FAM13A: variants seen among roughly 807,000 people sequenced by gnomAD.
The protein encoded by FAM13A is protein FAM13A.
FAM13A carries 76 observed loss-of-function variants against 129.6 expected under a neutral mutation model. The observed-to-expected ratio is 0.59, with a 90% CI of 0.49 to 0.71. The LOEUF is 0.71. FAM13A is among the 30% of genes least tolerant of loss of function. The pLI is 0.00. For missense variants in FAM13A, 1,108 were observed against 1,249.3 expected (o/e 0.89, Z 1.70); for synonymous variants, 443 against 449.9 (o/e 0.98, Z 0.20).
At chr4:88,894,668 T>C (rs531751192) in intron 6 of FAM13A, among the ~76,000 whole-genome samples, 1 of 152,246 alleles carries the variant, frequency 6.6e-6, no homozygotes, top group South Asian at 2.1e-4. Flanking sequence ...ATTACAGGCA[T>C]GCGCCACCAT....
At chr4:88,847,899 G>A (rs958461203) in intron 7 of FAM13A, among the ~76,000 whole-genome samples, 6 of 151,758 alleles carry the variant, frequency 4.0e-5, no homozygotes, top group Non-Finnish European at 8.8e-5. Context: ...ATTGCAGTGA[G>A]CAGAGATCGA....
At chr4:88,824,795 C>A (rs539549633) in intron 7 of FAM13A, among the ~76,000 whole-genome samples, 1 of 152,066 alleles carries the variant, frequency 6.6e-6, no homozygotes, top group South Asian at 2.1e-4. Context: ...GCAACCTCCG[C>A]CTCCTGGGTT....
At chr4:89,052,726 T>C (rs1377977877) in intron 1 of FAM13A, among the ~76,000 whole-genome samples, 1 of 152,048 alleles carries the variant, frequency 6.6e-6, no homozygotes, top group Non-Finnish European at 1.5e-5. Flanking sequence ...CACCTAGAAC[T>C]CTCTCTCCCC....
At chr4:88,897,099 A>G (rs1050553439) in intron 6 of FAM13A, among the ~76,000 whole-genome samples, 9 of 152,228 alleles carry the variant, frequency 5.9e-5, no homozygotes, top group African/African-American at 2.2e-4. Context: ...TGTGAGGCTT[A>G]GAGCCATAGC....
At chr4:88,939,597 C>T (rs1754414989) in intron 4 of FAM13A, among the ~76,000 whole-genome samples, 1 of 152,140 alleles carries the variant, frequency 6.6e-6, no homozygotes, top group South Asian at 2.1e-4. Context: ...GGATACGCAC[C>T]CTAAGGTCTC....
In FAM13A at chr4:88,955,634, G is replaced by A. The variant is rs184110855; in HGVS notation, c.606-17393C>T. On this transcript the variant is annotated intron_variant, in intron 4 of 23. Coordinates refer to ENST00000264344, the MANE Select transcript of FAM13A (RefSeq NM_014883.4). Reference sequence around the variant, plus strand: ...GGAACTTCCTAGAGACTTATTGGATGGCTTTGACCAAAATGCTGATAGTGA... The same window carrying A: ...GGAACTTCCTAGAGACTTATTGGATAGCTTTGACCAAAATGCTGATAGTGA... Among the ~76,000 whole-genome samples, 418 of 152,282 alleles carry A rather than the reference G, an allele frequency of 2.7e-3. 6 individuals are homozygous for A. Among genetic ancestry groups the A allele is most frequent in the African/African-American group, 9.5e-3 (395 of 41,538 alleles).
intron 7 of FAM13A, among the ~76,000 whole-genome samples, chr4:88,806,604 T>G (rs1213458788): frequency 2.0e-5 from 3 of 152,280 alleles, no homozygotes; most frequent in African/African-American, 7.2e-5. Context: ...GGTTTCCAAT[T>G]TCAACACTGA....
intron 13 of FAM13A, among the ~76,000 whole-genome samples, chr4:88,765,751 G>A (rs768952092): frequency 6.6e-6 from 1 of 152,168 alleles, no homozygotes; most frequent in Non-Finnish European, 1.5e-5. Context: ...CTCCTTTGGT[G>A]CAGCTGTGGT....
At chr4:88,835,598 T>C (rs1316851672) in intron 7 of FAM13A, among the ~76,000 whole-genome samples, 1 of 152,114 alleles carries the variant, frequency 6.6e-6, no homozygotes, top group Non-Finnish European at 1.5e-5. Flanking sequence ...GTGGGAGCCC[T>C]GAGTTTGTTA....
At chr4:89,056,354 TTTTA>T (rs1772195334) in intron 1 of FAM13A, among the ~76,000 whole-genome samples, 1 of 152,282 alleles carries the variant, frequency 6.6e-6, no homozygotes, top group African/African-American at 2.4e-5. Context: ...TTCCCAAGGA[TTTTA>T]TTTCAGTGTT....
At chr4:88,928,443 GCTGT>G (rs1210309952) in intron 5 of FAM13A, among the ~76,000 whole-genome samples, 2 of 152,062 alleles carry the variant, frequency 1.3e-5, no homozygotes, top group Non-Finnish European at 2.9e-5. Flanking sequence ...CTACTGTATT[GCTGT>G]CTATTTCTTT....
intron 6 of FAM13A, among the ~76,000 whole-genome samples, chr4:88,887,208 C>T (rs921841306): frequency 1.3e-5 from 2 of 152,084 alleles, no homozygotes; most frequent in African/African-American, 4.8e-5. Flanking sequence ...GTAATAGGTG[C>T]ACCAAAATCT....
chr4:88,951,831 AT>A (rs138629027), intron 4 of FAM13A, among the ~76,000 whole-genome samples: 1,687 of 149,156 alleles, frequency 0.011, 41 homozygotes, highest in African/African-American at 0.039. Flanking sequence ...TTGTGAGGGT[AT>A]TTATCTCCAT....
intron 4 of FAM13A, among the ~76,000 whole-genome samples, chr4:88,976,061 A>AT (rs1433387521): frequency 6.6e-6 from 1 of 152,216 alleles, no homozygotes; most frequent in East Asian, 1.9e-4. Context: ...AGATATAAGG[A>AT]GTAAGTAAGA....
At chr4:88,897,278 T>C (rs1227822021) in intron 6 of FAM13A, among the ~76,000 whole-genome samples, 4 of 152,186 alleles carry the variant, frequency 2.6e-5, no homozygotes, top group African/African-American at 9.6e-5. Flanking sequence ...CTATGCAGTA[T>C]TGGTCATGGA....
rs191559828 is a variant in FAM13A, at chr4:88,773,507, C to G, written c.1459-5448G>C. Among the ~76,000 whole-genome samples the G allele has an allele frequency of 5.9e-5, 9 of 152,326 alleles. No individual in the cohort carries two copies. In the East Asian group the frequency reaches 1.7e-3, roughly 29 times the overall value. On this transcript the variant is annotated intron_variant, in intron 11 of 23. Coordinates refer to ENST00000264344, the MANE Select transcript of FAM13A (RefSeq NM_014883.4). ...ATTCTAATTTTCTCTGGACCTAAAT[C>G]TAATGAGGCTCTTGCCTCCATGTTG...
At chr4:88,850,911 T>C (rs1206401070) in intron 7 of FAM13A, 109 bp downstream of exon 7, 1 of 941,456 alleles carries the variant, frequency 1.1e-6, no homozygotes, top group Non-Finnish European at 1.7e-6. Context: ...CTGATCTATA[T>C]CCTGTAAACT....
At chr4:88,964,963 AG>A (rs538315364) in intron 4 of FAM13A, among the ~76,000 whole-genome samples, 25 of 152,324 alleles carry the variant, frequency 1.6e-4, no homozygotes, top group African/African-American at 6.0e-4. Context: ...AATATATAAT[AG>A]AAAATCTAAA....
At chr4:88,871,136 T>G (rs1374384579) in intron 6 of FAM13A, among the ~76,000 whole-genome samples, 1 of 151,952 alleles carries the variant, frequency 6.6e-6, no homozygotes, top group Non-Finnish European at 1.5e-5. Flanking sequence ...AAAACCCCAT[T>G]TACAGGTCAC....
Sources: gnomAD v4.1 joint callset for allele counts (sites outside exome capture counted in the v4.1 genomes callset) on GRCh38, gnomAD v4.1.1 for gene constraint, MANE v1.5 for transcripts, NCBI Gene and HGNC (gene_info 2026-07-23, HGNC 2026-07-21) for gene names.